The following IQCM variants were observed in gnomAD, a reference collection of about 807,000 sequenced individuals.
IQCM encodes IQ domain-containing protein M.
IQCM carries 45 observed loss-of-function variants against 57.6 expected under a neutral mutation model. That is an observed-to-expected ratio of 0.78 (90% CI 0.62 to 1.00). IQCM has a LOEUF of 1.00. Among genes scored for constraint, IQCM ranks in the 50% least tolerant of loss-of-function variants. The pLI, the probability that IQCM is intolerant of heterozygous loss-of-function variation, is 0.00. For missense variants in IQCM, 468 were observed against 511.6 expected (o/e 0.91, Z 0.82); for synonymous variants, 148 against 158.9 (o/e 0.93, Z 0.51).
chr4:149,539,015 T>C (rs950690612), intron 12 of IQCM, among the ~76,000 whole-genome samples: 4 of 152,094 alleles, frequency 2.6e-5, no homozygotes, highest in African/African-American at 7.2e-5. Context: ...AAGTTCTGAA[T>C]AGGCTTCTCT....
intron 13 of IQCM, among the ~76,000 whole-genome samples, chr4:149,383,442 C>T (rs1389245222): frequency 2.6e-5 from 4 of 152,086 alleles, no homozygotes; most frequent in Non-Finnish European, 5.9e-5. Context: ...AAGTGGACAG[C>T]ATTTTGGTAT....
intron 13 of IQCM, among the ~76,000 whole-genome samples, chr4:149,353,929 C>T (rs965921648): frequency 3.9e-5 from 6 of 152,116 alleles, no homozygotes; most frequent in Non-Finnish European, 7.3e-5. Context: ...TTCAGTTGCT[C>T]TTGTCGCAAA....
At chr4:149,563,597 A>AG (rs951765205) in intron 10 of IQCM, 95 bp downstream of exon 10, 2 of 870,698 alleles carry the variant, frequency 2.3e-6, no homozygotes, top group Non-Finnish European at 3.0e-6. Context: ...CAAAAAAAAA[A>AG]GTATGTACAT....
At chr4:149,741,270 A>C (rs1398160172) in intron 3 of IQCM, among the ~76,000 whole-genome samples, 6 of 152,118 alleles carry the variant, frequency 3.9e-5, no homozygotes, top group African/African-American at 1.4e-4. Context: ...TTCTTTAACA[A>C]AGTATCCTGC....
chr4:149,648,746 T>G (rs1260655132), intron 7 of IQCM, among the ~76,000 whole-genome samples: 2 of 151,870 alleles, frequency 1.3e-5, no homozygotes, highest in East Asian at 3.9e-4. Flanking sequence ...TGGGGCCTGT[T>G]GTGGGGTGGG....
chr4:149,605,583 A>G (rs1045372704), intron 8 of IQCM, among the ~76,000 whole-genome samples: 2 of 152,222 alleles, frequency 1.3e-5, no homozygotes, highest in Admixed American at 6.5e-5. Flanking sequence ...ATTATCTAAA[A>G]AGAAACATTA....
At chr4:149,447,496 C>T (rs1736638563) in intron 12 of IQCM, among the ~76,000 whole-genome samples, 1 of 151,480 alleles carries the variant, frequency 6.6e-6, no homozygotes. Context: ...ACATACAAAT[C>T]TGAGATGAAA....
chr4:149,623,576 T>A (rs892046572), intron 7 of IQCM, among the ~76,000 whole-genome samples: 2 of 152,224 alleles, frequency 1.3e-5, no homozygotes, highest in African/African-American at 4.8e-5. Flanking sequence ...TTCCAGTTTA[T>A]TCCACAAAGT....
chr4:149,481,701 G>GTTTTTTTTTTTTGTTTT (rs751057249), intron 12 of IQCM, among the ~76,000 whole-genome samples: 1 of 51,550 alleles, frequency 1.9e-5, no homozygotes, highest in African/African-American at 7.6e-5. Context: ...TTCCAGTTTT[G>GTTTTTTTTTTTTGTTTT]TTTTTTTTTT....
At chr4:149,462,773 C>T (rs1738443439) in intron 12 of IQCM, among the ~76,000 whole-genome samples, 1 of 152,120 alleles carries the variant, frequency 6.6e-6, no homozygotes, top group East Asian at 1.9e-4. Flanking sequence ...GGGTTTACAC[C>T]ACAGTTGGAG....
chr4:149,793,528 T>G (rs1474756224), intron 2 of IQCM: 2 of 152,202 alleles, frequency 1.3e-5, no homozygotes, highest in African/African-American at 2.4e-5. Flanking sequence ...GCATATATTA[T>G]TTTAAATATG....
intron 12 of IQCM, among the ~76,000 whole-genome samples, chr4:149,481,098 AGATT>A (rs1236445707): frequency 6.6e-6 from 1 of 151,992 alleles, no homozygotes; most frequent in African/African-American, 2.4e-5. Flanking sequence ...ATTTTTTATT[AGATT>A]ATTAGATTTT....
At chr4:149,759,305 G>C (rs1769281371) in intron 2 of IQCM, among the ~76,000 whole-genome samples, 1 of 152,164 alleles carries the variant, frequency 6.6e-6, no homozygotes, top group South Asian at 2.1e-4. Context: ...TTTTAGGGCA[G>C]TGAAATACAC....
chr4:149,511,527 CTAAATAAATAAATAAATAAATAAATAAA>C (rs3056265), intron 12 of IQCM, among the ~76,000 whole-genome samples: 8 of 141,812 alleles, frequency 5.6e-5, no homozygotes, highest in East Asian at 2.1e-4. Flanking sequence ...GACCCTGTCT[CTAAATAAATAAATAAATAAATAAATAAA>C]TAAATAAATA....
intron 2 of IQCM, among the ~76,000 whole-genome samples, chr4:149,743,189 C>T (rs1479261781): frequency 6.6e-6 from 1 of 152,176 alleles, no homozygotes; most frequent in Non-Finnish European, 1.5e-5. Context: ...TAATACCTGG[C>T]ACATACCTTA....
intron 2 of IQCM, among the ~76,000 whole-genome samples, chr4:149,801,264 A>AT (rs1262815576): frequency 6.6e-6 from 1 of 151,980 alleles, no homozygotes. Context: ...TGGAAAAAAA[A>AT]CAAGAACCCT....
At chr4:149,815,421 T>G (rs1244107643) in intron 1 of IQCM, 73 bp from the exon 2 acceptor site, 1 of 151,920 alleles carries the variant, frequency 6.6e-6, no homozygotes, top group Non-Finnish European at 1.5e-5. Flanking sequence ...CAACCATATA[T>G]CTTATCATCT....
intron 2 of IQCM, among the ~76,000 whole-genome samples, chr4:149,798,139 A>G: frequency 6.6e-6 from 1 of 151,482 alleles, no homozygotes; most frequent in East Asian, 1.9e-4. Context: ...CAACTTTTCA[A>G]GACATAGATA....
intron 8 of IQCM, among the ~76,000 whole-genome samples, chr4:149,592,298 G>A (rs1753269061): frequency 6.6e-6 from 1 of 152,008 alleles, no homozygotes; most frequent in African/African-American, 2.4e-5. Flanking sequence ...TTTTTGATGG[G>A]GTTGTTTGAT....
Sources: gnomAD v4.1 joint callset for allele counts (sites outside exome capture counted in the v4.1 genomes callset) on GRCh38, gnomAD v4.1.1 for gene constraint, MANE v1.5 for transcripts, NCBI Gene and HGNC (gene_info 2026-07-23, HGNC 2026-07-21) for gene names.